The following MED15 variants were observed in gnomAD, a reference collection of about 807,000 sequenced individuals.
MED15 encodes the protein mediator of RNA polymerase II transcription subunit 15.
Under a neutral mutation model 118.7 loss-of-function variants are expected in MED15, and 41 were observed. That is an observed-to-expected ratio of 0.35 (90% CI 0.27 to 0.45). MED15 has a LOEUF of 0.45. MED15 is among the 20% of genes least tolerant of loss of function. The probability of loss-of-function intolerance (pLI) is 1.00; values close to 1 mark genes in which losing one functional copy is unlikely to be tolerated. For missense variants in MED15, 740 were observed against 1,025.5 expected (o/e 0.72, Z 3.80); for synonymous variants, 436 against 413.9 (o/e 1.05, Z -0.65).
Position 20,570,414 on chromosome 22 carries a change from C to T in MED15, c.1152+1783C>T, listed in dbSNP as rs1347759633. ...CTGTCTTTTTTTTTTTTTTTTGAGA[C>T]AGAGTCTGACTCTGTCATCCAGGCT... On this transcript the variant is annotated intron_variant, in intron 8 of 17. Coordinates refer to ENST00000263205, the MANE Select transcript of MED15 (RefSeq NM_001003891.3). Among the ~76,000 whole-genome samples the T allele has an allele frequency of 6.4e-5, 9 of 141,614 alleles. No homozygotes were observed. The East Asian group carries it at 1.9e-3, about 30-fold the overall frequency. 92.9% of individuals were successfully genotyped at this position (141,614 alleles called of 152,430 possible). A position where few individuals can be genotyped will look rare whatever the true frequency, so the allele number is the denominator to read the frequency against.
chr22:20,508,480 G>C, intron 1 of MED15: 1 of 1,178,208 alleles, frequency 8.5e-7, no homozygotes, highest in Non-Finnish European at 1.1e-6. Flanking sequence ...CCTGGGTGCA[G>C]GTGGGCTGAG....
intron 1 of MED15, among the ~76,000 whole-genome samples, chr22:20,528,651 T>C (rs1726040862): frequency 1.3e-5 from 2 of 152,260 alleles, no homozygotes; most frequent in Non-Finnish European, 2.9e-5. Flanking sequence ...TTCCAGACAC[T>C]GGGCTGTGGG....
chr22:20,541,897 C>G (rs951334985), intron 2 of MED15, among the ~76,000 whole-genome samples: 11 of 152,160 alleles, frequency 7.2e-5, no homozygotes, highest in African/African-American at 2.4e-4. Context: ...ATCCACCCAC[C>G]TAGGCCTCCC....
At chr22:20,572,588 A>G (rs1180292108) in intron 8 of MED15, among the ~76,000 whole-genome samples, 1 of 152,186 alleles carries the variant, frequency 6.6e-6, no homozygotes, top group East Asian at 1.9e-4. Context: ...CCACAAGGGG[A>G]TTTAGCAGGA....
Position 20,520,866 on chromosome 22 carries a change from A to G in MED15, c.68+13120A>G, listed in dbSNP as rs146263421. ...GCAATCTTCCCACCTCAGCCTCCCA[A>G]GTAGCTGGTACTACAGGTGCTCACC... is the stretch of plus-strand genomic sequence containing the variant. On this transcript the variant is annotated intron_variant, in intron 1 of 17. Transcript: ENST00000263205. Among the ~76,000 whole-genome samples the G allele has an allele frequency of 4.6e-3, 706 of 151,970 alleles. 4 individuals carry two copies. Among genetic ancestry groups the G allele is most frequent in the African/African-American group, 0.016 (676 of 41,436 alleles).
At chr22:20,529,713 C>G (rs1323911902) in intron 1 of MED15, among the ~76,000 whole-genome samples, 2 of 152,232 alleles carry the variant, frequency 1.3e-5, no homozygotes, top group African/African-American at 4.8e-5. Flanking sequence ...CATCCTCCTA[C>G]CTCAGCCTCC....
chr22:20,515,897 G>A (rs932362722), intron 1 of MED15, among the ~76,000 whole-genome samples: 1 of 152,162 alleles, frequency 6.6e-6, no homozygotes, highest in Non-Finnish European at 1.5e-5. Context: ...CAGCTACTTG[G>A]GAGGCTGAGG....
intron 2 of MED15, among the ~76,000 whole-genome samples, chr22:20,539,178 A>C (rs989313971): frequency 2.0e-5 from 3 of 152,042 alleles, no homozygotes; most frequent in African/African-American, 7.2e-5. Flanking sequence ...GGCTCACTGC[A>C]ACCTCCACCC....
rs1487121774 is a variant in MED15, at chr22:20,585,149, G to A, written c.2013G>A (p.Arg671=). 3 of 1,613,696 alleles carry A rather than the reference G, an allele frequency of 1.9e-6. No homozygotes were observed. In the Admixed American group the frequency reaches 5.0e-5, roughly 27 times the overall value. ...AGCGCAGGCTTGAGGATGATGAGCG[G>A]CAGAGCATCCCCAGTGTGCTCCAGG... ...TRKRRLEDDE[R]QSIPSVLQGE... The change falls in exon 16 of 18, where the codon CGG becomes CGA. Residue 671 remains arginine, a synonymous_variant. Transcript: ENST00000263205.
intron 1 of MED15, among the ~76,000 whole-genome samples, chr22:20,524,123 T>C (rs1355805286): frequency 6.6e-6 from 1 of 152,194 alleles, no homozygotes; most frequent in Non-Finnish European, 1.5e-5. Context: ...GAAGTTTCAG[T>C]AAAGGAAAAA....
chr22:20,582,263 G>A (rs780527414), intron 9 of MED15: 70 of 388,184 alleles, frequency 1.8e-4, no homozygotes, highest in Middle Eastern at 7.0e-4. Context: ...ACAGGCAGGC[G>A]TGTCAGGGAA....
intron 5 of MED15, among the ~76,000 whole-genome samples, chr22:20,555,645 G>A (rs1406942232): frequency 6.6e-6 from 1 of 152,218 alleles, no homozygotes; most frequent in Non-Finnish European, 1.5e-5. Flanking sequence ...CTGCTGTGGT[G>A]GGAAACTGGG....
chr22:20,536,260 A>G (rs2055076708), intron 1 of MED15, among the ~76,000 whole-genome samples: 1 of 151,134 alleles, frequency 6.6e-6, no homozygotes. Flanking sequence ...GGCAGTGAGC[A>G]CACCAGAGCA....
At chr22:20,535,882 T>C (rs1365558652) in intron 1 of MED15, among the ~76,000 whole-genome samples, 2,896 of 143,648 alleles carry the variant, frequency 0.02, 111 homozygotes, top group African/African-American at 0.068. Context: ...CTTTTTTTTT[T>C]TTTTTTTTTT....
At chr22:20,517,632 A>C (rs2054300319) in intron 1 of MED15, among the ~76,000 whole-genome samples, 1 of 152,168 alleles carries the variant, frequency 6.6e-6, no homozygotes. Context: ...TCGTCAGGGC[A>C]GGAGCTTGAA....
chr22:20,550,888 CT>C (rs2055742140), intron 2 of MED15: 2 of 344,604 alleles, frequency 5.8e-6, no homozygotes, highest in African/African-American at 4.3e-5. Flanking sequence ...TCTGCCTTGC[CT>C]GTGCGTAAAT....
At chr22:20,511,079 TAAAA>T (rs1165360352) in intron 1 of MED15, among the ~76,000 whole-genome samples, 2 of 152,142 alleles carry the variant, frequency 1.3e-5, no homozygotes, top group African/African-American at 4.8e-5. Flanking sequence ...CTCATAGGGT[TAAAA>T]AAAGATTTGC....
intron 1 of MED15, among the ~76,000 whole-genome samples, chr22:20,510,556 C>G (rs956113746): frequency 6.6e-6 from 1 of 152,096 alleles, no homozygotes; most frequent in African/African-American, 2.4e-5. Flanking sequence ...GCTTGCAAGC[C>G]CATTTATGCT....
At chr22:20,546,234 A>G (rs2055530026) in intron 2 of MED15, among the ~76,000 whole-genome samples, 1 of 152,166 alleles carries the variant, frequency 6.6e-6, no homozygotes, top group Admixed American at 6.6e-5. Flanking sequence ...CTGCTGATTC[A>G]TCCTGCCTGC....
Sources: allele counts gnomAD v4.1 joint callset (sites outside exome capture counted in the v4.1 genomes callset), GRCh38; gene constraint gnomAD v4.1.1; transcripts MANE v1.5; gene names NCBI Gene and HGNC (gene_info 2026-07-23, HGNC 2026-07-21).